Variants in RBM4B observed in about 807,000 individuals in gnomAD.
RBM4B encodes the protein RNA binding motif protein 4B, also known as RNA-binding protein 4B.
Under a neutral mutation model 28.5 loss-of-function variants are expected in RBM4B, and 13 were observed. The ratio of observed to expected loss-of-function variants is 0.46; its 90% CI spans 0.30 to 0.72. The LOEUF (loss-of-function observed/expected upper bound fraction) is 0.72. Ranked by LOEUF, RBM4B falls within the 30% of genes least tolerant of loss-of-function variation. The pLI, the probability that RBM4B is intolerant of heterozygous loss-of-function variation, is 0.09. For synonymous variants in RBM4B, 167 were observed against 179.1 expected (o/e 0.93, Z 0.54); for missense variants, 387 against 477.6 (o/e 0.81, Z 1.77).
At chr11:66,669,832 C>A (rs965433304) in intron 2 of RBM4B, among the ~76,000 whole-genome samples, 3 of 152,252 alleles carry the variant, frequency 2.0e-5, no homozygotes, top group African/African-American at 7.2e-5. Context: ...CAGGAATAGA[C>A]CAGACTCCCT....
rs760227988 is a variant in RBM4B at position 66,676,622 on chromosome 11, A to G, written c.412+46T>C. On this transcript the variant is annotated intron_variant, in intron 2 of 3. Transcript: ENST00000310046. Reference sequence around the variant, plus strand: ...TAGTCTTGTGTTCTTGCCTGTTTTGAGCTAGACCCCACTCGGCGCTACTAC... The same window carrying G: ...TAGTCTTGTGTTCTTGCCTGTTTTGGGCTAGACCCCACTCGGCGCTACTAC... 11 of 1,600,076 alleles carry G rather than the reference A, an allele frequency of 6.9e-6. No homozygotes were observed. In the South Asian group the frequency reaches 1.1e-4, roughly 16 times the overall value.
chr11:66,669,585 T>C (rs1485702430), intron 2 of RBM4B, among the ~76,000 whole-genome samples: 1 of 152,182 alleles, frequency 6.6e-6, no homozygotes, highest in Non-Finnish European at 1.5e-5. Flanking sequence ...TAGCTGGGAT[T>C]ACAGGCATGC....
At chr11:66,675,958 A>G (rs538633741) in intron 2 of RBM4B, 1 of 152,282 alleles carries the variant, frequency 6.6e-6, no homozygotes, top group Non-Finnish European at 1.5e-5. Flanking sequence ...ATGTACCTTT[A>G]TTATCGGTAT....
chr11:66,676,538 A>T, intron 2 of RBM4B, 130 bp downstream of exon 2: 1 of 1,124,824 alleles, frequency 8.9e-7, no homozygotes, highest in Non-Finnish European at 1.3e-6. Context: ...TAAGAGCGGT[A>T]AACATAATCT....
intron 1 of RBM4B, chr11:66,677,310 A>C: frequency 1.7e-6 from 1 of 592,352 alleles, no homozygotes; most frequent in Non-Finnish European, 3.0e-6. Flanking sequence ...TGCATAGCCC[A>C]GTCTATCATC....
intron 1 of RBM4B, 42 bp from the exon 2 acceptor site, chr11:66,677,133 G>T: frequency 6.3e-7 from 1 of 1,585,856 alleles, no homozygotes; most frequent in Admixed American, 1.8e-5. Context: ...GGGGTGTGGT[G>T]GGAAATTTCG....
intron 3 of RBM4B, chr11:66,668,303 C>A: frequency 1.5e-5 from 4 of 266,448 alleles, no homozygotes; most frequent in South Asian, 8.0e-5. Flanking sequence ...GGGCACATAA[C>A]AAATGTTAGA....
chr11:66,668,947 G>C lies in RBM4B; in HGVS notation c.757C>G (p.Gln253Glu). The C allele has an allele frequency of 6.2e-7, 1 of 1,614,196 alleles. No homozygotes were observed. Among genetic ancestry groups the C allele is most frequent in the Non-Finnish European group, 8.5e-7 (1 of 1,180,036 alleles). The change falls in exon 3 of 4, where the codon CAA becomes GAA. Residue 253 changes from glutamine (Q) to glutamate (E), a missense_variant. Physicochemically the swap from Gln to Glu is conservative, Grantham distance 29 (BLOSUM62 2). Transcript: ENST00000310046. ...CTGGTCACAGTTGTGCTTTGGACTT[G>C]AGGCAGATGGGACATGGTCTGCTCT... ...YAEQTMSHLP[Q>E]VQSTTVTSHL... is the part of the protein sequence containing the mutation.
chr11:66,671,001 A>G, intron 2 of RBM4B: 1 of 702,594 alleles, frequency 1.4e-6, no homozygotes, highest in Admixed American at 2.0e-5. Flanking sequence ...AAATAGCCCT[A>G]TTGAGGACGG....
rs1939640732 is a variant in RBM4B at position 66,676,504 on chromosome 11, G to C, written c.412+164C>G. The C allele has an allele frequency of 6.1e-6, 5 of 820,382 alleles. No individual in the cohort carries two copies. The South Asian group carries it at 9.2e-5, about 15-fold the overall frequency. 50.8% of individuals were successfully genotyped at this position (820,382 alleles called of 1,614,324 possible). A position where few individuals can be genotyped will look rare whatever the true frequency, so the allele number is the denominator to read the frequency against. ...GCAAACCTGAAAAGGGGAAGTGTTT[G>C]CTTCCCCAGGGGTAAATTATGCTTA... On this transcript the variant is annotated intron_variant, in intron 2 of 3. Coordinates refer to ENST00000310046, the MANE Select transcript of RBM4B (RefSeq NM_031492.4).
chr11:66,667,701 T>G (rs1590880014), intron 3 of RBM4B: 2 of 149,296 alleles, frequency 1.3e-5, no homozygotes, highest in East Asian at 3.9e-4. Context: ...GAAGTAGGTT[T>G]TTTTTTTTTT....
At chr11:66,670,389 A>G (rs1286869722) in intron 2 of RBM4B, among the ~76,000 whole-genome samples, 3 of 152,086 alleles carry the variant, frequency 2.0e-5, no homozygotes, top group Admixed American at 1.3e-4. Context: ...TACAATTTTT[A>G]TAGGGATTAA....
chr11:66,668,753 T>C lies in RBM4B; in HGVS notation c.951A>G (p.Gly317=), dbSNP rs1939345579. The C allele has an allele frequency of 3.1e-6, 5 of 1,614,056 alleles. No individual in the cohort carries two copies. The highest frequency in any genetic ancestry group is 4.2e-6 in the Non-Finnish European group (5 of 1,180,024). ...TCTCTGGCCCATAACCGTAGCCCTC[T>C]CCAACTGTGGGGAGCATGGCTGCAG... The part of the protein sequence containing the change: ...RRAAAMLPTV[G]EGYGYGPESE... Residue 317 remains glycine (G), a synonymous_variant, in exon 3 of 4, where the codon GGA becomes GGG. Coordinates refer to ENST00000310046, the MANE Select transcript of RBM4B (RefSeq NM_031492.4).
rs369612403 is a variant in RBM4B, at chr11:66,670,151, T to C, written c.413-860A>G. Among the ~76,000 whole-genome samples, 255 of 152,214 alleles carry C rather than the reference T, an allele frequency of 1.7e-3. 9 individuals are homozygous for C. In the South Asian group the frequency reaches 0.049, roughly 29 times the overall value. The stretch of plus-strand genomic sequence containing the variant: ...GCTCCAATGATGGGTACACAAACCA[T>C]ACCTGGCTTGTCATCTGCTTCATCT... On this transcript the variant is annotated intron_variant, in intron 2 of 3. Coordinates refer to ENST00000310046, the MANE Select transcript of RBM4B (RefSeq NM_031492.4).
In RBM4B at chr11:66,675,647, G is replaced by A. The variant is rs907407364; in HGVS notation, c.412+1021C>T. 4 of 152,158 alleles carry A rather than the reference G, an allele frequency of 2.6e-5. No homozygotes were observed. In the South Asian group the frequency reaches 8.3e-4, roughly 32 times the overall value. 9.4% of individuals were successfully genotyped at this position (152,158 alleles called of 1,614,324 possible). A position where few individuals can be genotyped will look rare whatever the true frequency, so the allele number is the denominator to read the frequency against. ...TCAGGGCAAAAAAGGTGTTGACTTAGGAACCACAAAAGTGGCTATGAACAT... is the reference window on the plus strand; with the variant it reads ...TCAGGGCAAAAAAGGTGTTGACTTAAGAACCACAAAAGTGGCTATGAACAT... On this transcript the variant is annotated intron_variant, in intron 2 of 3. Transcript: ENST00000310046.
chr11:66,676,441 C>G, intron 2 of RBM4B: 1 of 604,372 alleles, frequency 1.7e-6, no homozygotes, highest in Non-Finnish European at 2.9e-6. Context: ...AAGTAACCCA[C>G]AGTTTGTGAT....
At position 66,665,239 on chromosome 11, in the gene RBM4B, A is replaced by T. The variant is rs901661784; in HGVS notation, c.*349T>A. On this transcript the variant is annotated 3_prime_UTR_variant, in exon 4 of 4. Coordinates refer to ENST00000310046, the MANE Select transcript of RBM4B (RefSeq NM_031492.4). ...CCACTACATGGTCATTTTAAAGGGA[A>T]AGGAGATGCTGCAGGTAGGCAGGGA... is the stretch of plus-strand genomic sequence containing the variant. 3 of 316,846 alleles carry T rather than the reference A, an allele frequency of 9.5e-6. No individual in the cohort carries two copies. The highest frequency in any genetic ancestry group is 9.4e-5 in the Admixed American group (2 of 21,348). The allele number at this position is 316,846 out of a possible 1,614,324, so 19.6% of individuals were successfully genotyped here.
chr11:66,671,511 C>G (rs1156959391), intron 2 of RBM4B, among the ~76,000 whole-genome samples: 2 of 152,140 alleles, frequency 1.3e-5, no homozygotes, highest in Non-Finnish European at 2.9e-5. Context: ...AATCCAGAGA[C>G]CTAAAAGTAA....
At chr11:66,669,317 T>C (rs779422627) in intron 2 of RBM4B, 26 bp from the exon 3 acceptor site, 3 of 1,594,196 alleles carry the variant, frequency 1.9e-6, no homozygotes, top group Non-Finnish European at 2.6e-6. Flanking sequence ...GTAAGAAGAT[T>C]TATTTTAACT....
Sources: gnomAD v4.1 joint callset for allele counts (sites outside exome capture counted in the v4.1 genomes callset) on GRCh38, gnomAD v4.1.1 for gene constraint, MANE v1.5 for transcripts, NCBI Gene and HGNC (gene_info 2026-07-23, HGNC 2026-07-21) for gene names.